Variants in SYNPR observed in about 807,000 individuals in gnomAD.
SYNPR encodes the protein synaptoporin.
In SYNPR, 23 loss-of-function variants were observed where a neutral mutation model predicts 32.9. The observed-to-expected ratio is 0.70, with a 90% confidence interval of 0.50 to 0.99. The LOEUF (loss-of-function observed/expected upper bound fraction) is 0.99, where lower values mean the gene tolerates loss of function less well. SYNPR is among the 50% of genes least tolerant of loss of function. SYNPR has a pLI of 0.00. For synonymous variants in SYNPR, 146 were observed against 135.9 expected, an observed-to-expected ratio of 1.07 and a Z score of -0.52; for missense variants, 318 against 349.3, an observed-to-expected ratio of 0.91 and a Z score of 0.71.
chr3:63,498,104 A>G (rs1333012001), intron 3 of SYNPR, among the ~76,000 whole-genome samples: 2 of 152,176 alleles, frequency 1.3e-5, no homozygotes, highest in East Asian at 3.9e-4. Flanking sequence ...TGGTCAGTCC[A>G]TCTGTGTCAA....
chr3:63,610,379 G>T (rs2106905553), intron 5 of SYNPR: 1 of 513,458 alleles, frequency 1.9e-6, no homozygotes, highest in East Asian at 2.9e-5. Context: ...GGTTATCGAA[G>T]AATAGAAGGC....
At chr3:63,576,573 C>A (rs569028554) in intron 4 of SYNPR, among the ~76,000 whole-genome samples, 1 of 152,018 alleles carries the variant, frequency 6.6e-6, no homozygotes, top group African/African-American at 2.4e-5. Context: ...AGGCGGATCA[C>A]GAGGTCAGGA....
intron 2 of SYNPR, among the ~76,000 whole-genome samples, chr3:63,331,732 C>T (rs2087232103): frequency 6.6e-6 from 1 of 152,142 alleles, no homozygotes; most frequent in Admixed American, 6.5e-5. Flanking sequence ...GTACACTCTC[C>T]CACTTTCTTT....
intron 2 of SYNPR, among the ~76,000 whole-genome samples, chr3:63,381,253 C>CCAATAACAGACAAA (rs2087964463): frequency 6.6e-6 from 1 of 152,140 alleles, no homozygotes; most frequent in African/African-American, 2.4e-5. Flanking sequence ...TTCTTATACA[C>CCAATAACAGACAAA]CAATAACAGA....
At chr3:63,478,134 T>C (rs912506976) in intron 2 of SYNPR, among the ~76,000 whole-genome samples, 1 of 152,178 alleles carries the variant, frequency 6.6e-6, no homozygotes, top group African/African-American at 2.4e-5. Flanking sequence ...AAAATTGTGG[T>C]GTATGTGGTT....
At chr3:63,260,915 A>T (rs2086431962) in intron 2 of SYNPR, among the ~76,000 whole-genome samples, 3 of 152,204 alleles carry the variant, frequency 2.0e-5, no homozygotes. Flanking sequence ...AGATATGAAC[A>T]GACACTTCTC....
intron 2 of SYNPR, among the ~76,000 whole-genome samples, chr3:63,307,577 AGCAG>A (rs1224135953): frequency 6.6e-6 from 1 of 151,992 alleles, no homozygotes; most frequent in Non-Finnish European, 1.5e-5. Context: ...GTCAGCCTGT[AGCAG>A]GCAGTTTCAC....
chr3:63,392,306 T>C (rs1476198408), intron 2 of SYNPR, among the ~76,000 whole-genome samples: 2 of 152,152 alleles, frequency 1.3e-5, no homozygotes, highest in African/African-American at 2.4e-5. Flanking sequence ...GTCAAATAGA[T>C]TCTCAGGTTA....
chr3:63,489,720 T>A (rs1698452361), intron 3 of SYNPR, among the ~76,000 whole-genome samples: 1 of 152,204 alleles, frequency 6.6e-6, no homozygotes, highest in South Asian at 2.1e-4. Context: ...AATACATATA[T>A]ATGCATATAT....
chr3:63,223,434 T>C (rs2086104991), upstream of SYNPR, among the ~76,000 whole-genome samples: 1 of 151,950 alleles, frequency 6.6e-6, no homozygotes, highest in Non-Finnish European at 1.5e-5. Context: ...TCCCACGTTT[T>C]TGAGTTTTCC....
Position 63,615,686 on chromosome 3 carries a change from T to C in SYNPR, c.*205T>C. 1 of 603,580 alleles carries C rather than the reference T, an allele frequency of 1.7e-6. No individual in the cohort carries two copies. 37.4% of individuals were successfully genotyped at this position (603,580 alleles called of 1,614,324 possible). On this transcript the variant is annotated 3_prime_UTR_variant, in exon 6 of 6. Transcript: ENST00000478300. ...GCGACATGAGGAGATATATTATTCA[T>C]CATAGATGGCTAATTGGAGAGTACC...
At chr3:63,484,871 G>A (rs1701115787) in intron 3 of SYNPR, among the ~76,000 whole-genome samples, 4 of 152,182 alleles carry the variant, frequency 2.6e-5, no homozygotes, top group South Asian at 4.1e-4. Flanking sequence ...AAGGACAAAA[G>A]TGATAAAGTT....
At chr3:63,524,872 A>T (rs2367836) in intron 3 of SYNPR, among the ~76,000 whole-genome samples, 18,885 of 87,264 alleles carry the variant, frequency 0.22, 1,205 homozygotes, top group Admixed American at 0.29. Context: ...TGTGTGTGTG[A>T]GAGAGAGAGA....
At chr3:63,404,623 C>A (rs1308172160) in intron 2 of SYNPR, among the ~76,000 whole-genome samples, 4 of 151,900 alleles carry the variant, frequency 2.6e-5, no homozygotes, top group Non-Finnish European at 5.9e-5. Flanking sequence ...TACAGAGACC[C>A]CTGTGCTTCA....
intron 3 of SYNPR, among the ~76,000 whole-genome samples, chr3:63,529,928 T>C (rs1045611359): frequency 6.6e-6 from 1 of 152,114 alleles, no homozygotes; most frequent in Admixed American, 6.6e-5. Flanking sequence ...GATGAGGGGA[T>C]GTGGGAAGGG....
intron 2 of SYNPR, among the ~76,000 whole-genome samples, chr3:63,388,589 T>C (rs2088088515): frequency 6.6e-6 from 1 of 150,922 alleles, no homozygotes; most frequent in South Asian, 2.1e-4. Context: ...TGTGTGTGTG[T>C]GTGTGTATTT....
chr3:63,582,607 G>C (rs1703110845), intron 4 of SYNPR, among the ~76,000 whole-genome samples: 1 of 151,938 alleles, frequency 6.6e-6, no homozygotes, highest in African/African-American at 2.4e-5. Flanking sequence ...TCTTTATTTT[G>C]GTAAAGGATT....
chr3:63,494,979 T>C (rs912597498), intron 3 of SYNPR, among the ~76,000 whole-genome samples: 2 of 152,292 alleles, frequency 1.3e-5, no homozygotes, highest in East Asian at 3.9e-4. Flanking sequence ...CTCAGAGATA[T>C]TGTTTTCCTT....
At chr3:63,314,081 A>C (rs2087014733) in intron 2 of SYNPR, among the ~76,000 whole-genome samples, 1 of 116,626 alleles carries the variant, frequency 8.6e-6, no homozygotes, top group African/African-American at 3.2e-5. Flanking sequence ...ATATATATAT[A>C]TCCATATATA....
Sources: allele counts gnomAD v4.1 joint callset (sites outside exome capture counted in the v4.1 genomes callset), GRCh38; gene constraint gnomAD v4.1.1; transcripts MANE v1.5; gene names NCBI Gene and HGNC (gene_info 2026-07-23, HGNC 2026-07-21).